SPOP: variants seen among roughly 807,000 people sequenced by gnomAD.
SPOP encodes speckle-type POZ protein.
SPOP carries 11 observed loss-of-function variants against 45.6 expected under a neutral mutation model. The ratio of observed to expected loss-of-function variants is 0.24; its 90% CI spans 0.15 to 0.40. The LOEUF (loss-of-function observed/expected upper bound fraction) is 0.40, where lower values mean the gene tolerates loss of function less well. Ranked by LOEUF, SPOP falls within the 10% of genes least tolerant of loss-of-function variation. The probability of loss-of-function intolerance (pLI) is 1.00; values close to 1 mark genes in which losing one functional copy is unlikely to be tolerated. For synonymous variants in SPOP, 166 were observed against 166.3 expected (o/e 1.00, Z 0.01); for missense variants, 152 against 465.6 (o/e 0.33, Z 6.20).
chr17:49,671,278 CAAAT>C lies in SPOP; in HGVS notation c.-67+6651_-67+6654del, dbSNP rs2073132059. Among the ~76,000 whole-genome samples, 2 of 151,206 alleles carry C rather than the reference CAAAT, an allele frequency of 1.3e-5. 1 individual carries two copies. The highest frequency in any genetic ancestry group is 4.3e-4 in the South Asian group (2 of 4,702). ...GGTTCCAGAAGCTCCATATGGTAGA[CAAAT>C]AACCTGTTAGAGGTTGGTGCAAAAG... is the stretch of plus-strand genomic sequence containing the variant. On this transcript the variant is annotated intron_variant, in intron 1 of 9. Transcript: ENST00000504102.
chr17:49,600,215 A>C lies in SPOP; in HGVS notation c.*163T>G. On this transcript the variant is annotated 3_prime_UTR_variant, in exon 10 of 10. Coordinates refer to ENST00000504102, the MANE Select transcript of SPOP (RefSeq NM_001007228.2). The surrounding 1 kb of genome is among the most constrained non-coding windows in gnomAD (Gnocchi z 4.2). ...CATTTTCCCTCCCCCCGTTTCCCCC[A>C]AGTTATTTAGTGCTGTTTTAAAAGT... 1.1e-6 allele frequency: 1 copy of C among 879,336 alleles called. No individual in the cohort carries two copies. 54.5% of individuals were successfully genotyped at this position (879,336 alleles called of 1,614,324 possible). A position where few individuals can be genotyped will look rare whatever the true frequency, so the allele number is the denominator to read the frequency against.
Position 49,611,247 on chromosome 17 carries a change from A to C in SPOP, c.658+33T>G, listed in dbSNP as rs770891395. The C allele has an allele frequency of 3.8e-6, 6 of 1,591,306 alleles. No homozygotes were observed. The East Asian group carries it at 1.3e-4, about 36-fold the overall frequency. On this transcript the variant is annotated intron_variant, in intron 6 of 9. Coordinates refer to ENST00000504102, the MANE Select transcript of SPOP (RefSeq NM_001007228.2). ...TCACTTGTTTTTCCTTATTTCACCA[A>C]AACTATAAAATTCCTCATGAATAAA...
chr17:49,624,617 C>T (rs944757825), intron 1 of SPOP, among the ~76,000 whole-genome samples: 5 of 151,986 alleles, frequency 3.3e-5, no homozygotes, highest in African/African-American at 1.2e-4. Context: ...TACAGGCGTG[C>T]ACCACCATAC....
intron 1 of SPOP, among the ~76,000 whole-genome samples, chr17:49,628,699 T>A (rs2072388546): frequency 6.6e-6 from 1 of 152,046 alleles, no homozygotes; most frequent in Non-Finnish European, 1.5e-5. Flanking sequence ...TCTGGAAAAA[T>A]CTGAAATCCA....
At position 49,622,827 on chromosome 17, in the gene SPOP, A is replaced by T. The variant is rs746247721; in HGVS notation, c.-17T>A. 6.2e-7 allele frequency: 1 copy of T among 1,612,410 alleles called. No individual in the cohort carries two copies. Among genetic ancestry groups the T allele is most frequent in the East Asian group, 2.2e-5 (1 of 44,858 alleles). ...CCTTGACATCGCCAGTTTGAAGGTTAAACGAGATTTCCAAAGTCAGGGGGC... is the reference window on the plus strand; with the variant it reads ...CCTTGACATCGCCAGTTTGAAGGTTTAACGAGATTTCCAAAGTCAGGGGGC... On this transcript the variant is annotated 5_prime_UTR_variant, in exon 2 of 10. Transcript: ENST00000504102.
chr17:49,646,683 G>C (rs191115377), intron 1 of SPOP: 1 of 152,258 alleles, frequency 6.6e-6, no homozygotes, highest in Non-Finnish European at 1.5e-5. Context: ...AAAGTACTCT[G>C]ACATTTATGA....
In SPOP at chr17:49,605,755, A is replaced by C. The variant is rs186726454; in HGVS notation, c.837+1495T>G. Among the ~76,000 whole-genome samples, 420 of 152,138 alleles carry C rather than the reference A, an allele frequency of 2.8e-3. 1 individual carries two copies. The highest frequency in any genetic ancestry group is 4.6e-3 in the Non-Finnish European group (313 of 67,990). On this transcript the variant is annotated intron_variant, in intron 8 of 9. Transcript: ENST00000504102. ...GTAATCCCAGCACTTTGGGAGGCAG[A>C]GGTGGGCGGATCACTTGAGGTCAGG...
At chr17:49,623,077 G>T (rs140328589) in intron 1 of SPOP, among the ~76,000 whole-genome samples, 176 of 151,800 alleles carry the variant, frequency 1.2e-3, no homozygotes, top group African/African-American at 4.1e-3. Flanking sequence ...TGCGATCTTG[G>T]CTCACCGCAA....
chr17:49,672,947 GA>G (rs200463098), intron 1 of SPOP, among the ~76,000 whole-genome samples: 2 of 143,544 alleles, frequency 1.4e-5, no homozygotes, highest in East Asian at 2.0e-4. Flanking sequence ...ACTCCATCTC[GA>G]AAAAAAAACA....
chr17:49,664,633 G>A (rs866629602), intron 1 of SPOP, among the ~76,000 whole-genome samples: 3 of 151,988 alleles, frequency 2.0e-5, no homozygotes, highest in Non-Finnish European at 4.4e-5. Context: ...AGAAAAATAC[G>A]CCTGATTCCA....
At chr17:49,650,669 C>T (rs1466701604) in intron 1 of SPOP, among the ~76,000 whole-genome samples, 1 of 152,062 alleles carries the variant, frequency 6.6e-6, no homozygotes, top group African/African-American at 2.4e-5. Context: ...TAAGTAATAC[C>T]AGCAATTTTA....
At chr17:49,604,457 T>C (rs1450309353) in intron 8 of SPOP, among the ~76,000 whole-genome samples, 2 of 152,184 alleles carry the variant, frequency 1.3e-5, no homozygotes, top group Non-Finnish European at 2.9e-5. Context: ...ACCTCCACTA[T>C]AAACACAGGC....
chr17:49,607,734 G>T, intron 7 of SPOP, 140 bp downstream of exon 7: 2 of 767,616 alleles, frequency 2.6e-6, no homozygotes, highest in Non-Finnish European at 4.3e-6. Context: ...ACTTCTCTCT[G>T]CTCTCAGAAG....
At chr17:49,614,932 C>T (rs1389109485) in intron 5 of SPOP, among the ~76,000 whole-genome samples, 3 of 151,850 alleles carry the variant, frequency 2.0e-5, no homozygotes, top group Non-Finnish European at 4.4e-5. Context: ...GATCACAGCT[C>T]ACTGTAGCCT....
chr17:49,622,949 T>C (rs3815473), intron 1 of SPOP, 73 bp from the exon 2 acceptor site: 24 of 685,232 alleles, frequency 3.5e-5, no homozygotes, highest in Admixed American at 1.9e-4. Flanking sequence ...TTTGACCTGA[T>C]AGAGGCTGGA....
intron 1 of SPOP, among the ~76,000 whole-genome samples, chr17:49,627,623 A>G (rs1308444562): frequency 6.6e-6 from 1 of 152,216 alleles, no homozygotes; most frequent in Non-Finnish European, 1.5e-5. Context: ...TGATCTAACA[A>G]TGAACAATTT....
intron 1 of SPOP, among the ~76,000 whole-genome samples, chr17:49,640,214 T>C (rs1174326256): frequency 1.3e-4 from 20 of 151,660 alleles, no homozygotes; most frequent in Admixed American, 1.3e-3. Context: ...GATGGTGCCA[T>C]TGCACTCCAG....
intron 1 of SPOP, among the ~76,000 whole-genome samples, chr17:49,673,608 T>C (rs1490472525): frequency 2.0e-5 from 3 of 152,208 alleles, no homozygotes; most frequent in Non-Finnish European, 4.4e-5. Context: ...AAGGTGATAA[T>C]TGTACTATTT....
At chr17:49,659,516 T>TA (rs2072958980) in intron 1 of SPOP, among the ~76,000 whole-genome samples, 1 of 152,176 alleles carries the variant, frequency 6.6e-6, no homozygotes, top group Non-Finnish European at 1.5e-5. Flanking sequence ...CCAACCTACT[T>TA]ATATTTTTCT....
Sources: allele counts gnomAD v4.1 joint callset (sites outside exome capture counted in the v4.1 genomes callset), GRCh38; gene constraint gnomAD v4.1.1; non-coding constraint Gnocchi (gnomAD v3.1); transcripts MANE v1.5; gene names NCBI Gene and HGNC (gene_info 2026-07-23, HGNC 2026-07-21).